Variants in BARD1 observed in about 807,000 individuals in gnomAD.
The protein encoded by BARD1 is BRCA1-associated RING domain protein 1.
In BARD1, 73 loss-of-function variants were observed where a neutral mutation model predicts 77.0. The ratio of observed to expected loss-of-function variants is 0.95; its 90% confidence interval spans 0.79 to 1.15. BARD1 has a LOEUF of 1.15. Among genes scored for constraint, BARD1 ranks in the 50% most tolerant of loss-of-function variants. The pLI is 0.00. For missense variants in BARD1, 993 were observed against 938.8 expected (o/e 1.06, Z -0.75); for synonymous variants, 384 against 338.0 (o/e 1.14, Z -1.49).
intron 1 of BARD1, among the ~76,000 whole-genome samples, chr2:214,806,953 T>C (rs1166111498): frequency 6.6e-6 from 1 of 151,350 alleles, no homozygotes; most frequent in Non-Finnish European, 1.5e-5. Context: ...AGACATTAAG[T>C]TTATCAAGAC....
intron 6 of BARD1, among the ~76,000 whole-genome samples, chr2:214,754,693 T>C (rs1693612128): frequency 6.6e-6 from 1 of 152,172 alleles, no homozygotes; most frequent in Admixed American, 6.5e-5. Flanking sequence ...CAAAGCTTAC[T>C]ATGTCATATG....
rs186946018 is a variant in BARD1 at position 214,798,828 on chromosome 2, T to C, written c.159-1711A>G. ...GAATAAACTTCTCTCTATAAATTCA[T>C]TTGGTAGCAACCGGGTACTGAGGCT... is the stretch of plus-strand genomic sequence containing the variant. On this transcript the variant is annotated intron_variant, in intron 1 of 10. Transcript: ENST00000260947. Among the ~76,000 whole-genome samples, 295 of 151,424 alleles carry C rather than the reference T, an allele frequency of 1.9e-3. 1 individual carries two copies. The highest frequency in any genetic ancestry group is 3.5e-3 in the Non-Finnish European group (236 of 67,838).
At chr2:214,753,913 C>T (rs1693575255) in intron 6 of BARD1, among the ~76,000 whole-genome samples, 1 of 152,118 alleles carries the variant, frequency 6.6e-6, no homozygotes, top group African/African-American at 2.4e-5. Context: ...GTCCAACAAC[C>T]TTCCTCTGGC....
chr2:214,743,657 C>T (rs12476595), intron 9 of BARD1, among the ~76,000 whole-genome samples: 74,185 of 151,772 alleles, frequency 0.49, 18,305 homozygotes, highest in East Asian at 0.56. Flanking sequence ...CATCTCGGCT[C>T]ACTGCAACCT....
At chr2:214,775,586 G>A (rs909718155) in intron 4 of BARD1, among the ~76,000 whole-genome samples, 6 of 152,162 alleles carry the variant, frequency 3.9e-5, no homozygotes, top group African/African-American at 9.7e-5. Context: ...GACACACTGA[G>A]CATAGGCTGT....
chr2:214,765,824 A>G (rs1230915976), intron 6 of BARD1, among the ~76,000 whole-genome samples: 1 of 152,178 alleles, frequency 6.6e-6, no homozygotes, highest in Non-Finnish European at 1.5e-5. Flanking sequence ...ATTATCTTAT[A>G]ACCTGTGATG....
chr2:214,760,766 C>T (rs1001707498), intron 6 of BARD1, among the ~76,000 whole-genome samples: 1 of 150,528 alleles, frequency 6.6e-6, no homozygotes, highest in African/African-American at 2.4e-5. Context: ...TTACAGTTCA[C>T]AGGGACTTTT....
chr2:214,765,105 T>G (rs1191457243), intron 6 of BARD1, among the ~76,000 whole-genome samples: 2 of 152,228 alleles, frequency 1.3e-5, no homozygotes, highest in Admixed American at 6.5e-5. Flanking sequence ...AATTTATTCC[T>G]TGGTAGCAAT....
intron 4 of BARD1, among the ~76,000 whole-genome samples, chr2:214,778,677 T>C (rs1226767233): frequency 2.0e-5 from 3 of 152,176 alleles, no homozygotes; most frequent in African/African-American, 7.2e-5. Context: ...TTAGTTTGCA[T>C]ATTGCCTGTG....
intron 7 of BARD1, among the ~76,000 whole-genome samples, chr2:214,750,773 A>G (rs947100816): frequency 3.3e-5 from 5 of 152,086 alleles, no homozygotes; most frequent in African/African-American, 1.2e-4. Flanking sequence ...GGCCACTGTC[A>G]TATCTAGAAT....
rs1367266254 is a variant in BARD1 at position 214,729,022 on chromosome 2, A to T, written c.2002-14T>A. 1 of 1,612,786 alleles carries T rather than the reference A, an allele frequency of 6.2e-7. No individual in the cohort carries two copies. The highest frequency in any genetic ancestry group is 8.5e-7 in the Non-Finnish European group (1 of 1,179,010). On this transcript the variant is annotated splice_polypyrimidine_tract_variant and intron_variant, in intron 10 of 10. Transcript: ENST00000260947. ...CAGCTTTGGCAACTGAAATAATGAGAAAACATTTGTTAAAGGCAGATCAAA... is the reference window on the plus strand; with the variant it reads ...CAGCTTTGGCAACTGAAATAATGAGTAAACATTTGTTAAAGGCAGATCAAA...
In BARD1 at chr2:214,781,342, C is replaced by T. The variant is rs1300620941; in HGVS notation, c.532G>A (p.Asp178Asn). 1 of 1,613,566 alleles carries T rather than the reference C, an allele frequency of 6.2e-7. No homozygotes were observed. The highest frequency in any genetic ancestry group is 1.3e-5 in the African/African-American group (1 of 74,906). The change falls in exon 4 of 11, where the codon GAC (aspartate) becomes AAC (asparagine). Residue 178 changes from aspartate to asparagine, a missense_variant. Coordinates refer to ENST00000260947, the MANE Select transcript of BARD1 (RefSeq NM_000465.4). ...CTTGGGGAAACAAATTCATATGAGT[C>T]TTGCTGAGCACTTGCATCTTTTTTT... is the stretch of plus-strand genomic sequence containing the variant. ...AIKKDASAQQ[D>N]SYEFVSPSPP...
chr2:214,752,375 T>C, intron 7 of BARD1, 72 bp downstream of exon 7: 1 of 1,329,744 alleles, frequency 7.5e-7, no homozygotes, highest in South Asian at 1.2e-5. Context: ...AATGGAAATT[T>C]TTCTATTATG....
intron 6 of BARD1, among the ~76,000 whole-genome samples, chr2:214,753,615 G>T (rs1454276533): frequency 6.6e-6 from 1 of 152,096 alleles, no homozygotes; most frequent in Non-Finnish European, 1.5e-5. Flanking sequence ...TAGGGGAAGT[G>T]AAAGGTAGAA....
At chr2:214,806,670 T>C (rs1398197870) in intron 1 of BARD1, among the ~76,000 whole-genome samples, 3 of 152,032 alleles carry the variant, frequency 2.0e-5, no homozygotes, top group Non-Finnish European at 4.4e-5. Context: ...GGTCAGGAGT[T>C]GGAGACCAGC....
At chr2:214,806,396 A>G (rs770823384) in intron 1 of BARD1, among the ~76,000 whole-genome samples, 4 of 152,198 alleles carry the variant, frequency 2.6e-5, no homozygotes, top group Non-Finnish European at 4.4e-5. Context: ...CAAATGGAAG[A>G]AGCAGACCAT....
Position 214,809,669 on chromosome 2 carries a change from G to A in BARD1, c.-100C>T. 6.9e-7 allele frequency: 1 copy of A among 1,454,938 alleles called. No individual in the cohort carries two copies. The allele number at this position is 1,454,938 out of a possible 1,614,324, so 90.1% of individuals were successfully genotyped here. On this transcript the variant is annotated 5_prime_UTR_variant, in exon 1 of 11. Transcript: ENST00000260947. ...AGGCCAGCGACTCGAAACCGGCCAA[G>A]CTCTTCCCGCGTCTGGGACGGCGGG...
At chr2:214,774,676 T>A (rs571397246) in intron 4 of BARD1, among the ~76,000 whole-genome samples, 1 of 152,300 alleles carries the variant, frequency 6.6e-6, no homozygotes, top group South Asian at 2.1e-4. Flanking sequence ...AGAAAGCCTG[T>A]CCTTTGAAGC....
At chr2:214,786,312 A>C (rs954695917) in intron 3 of BARD1, among the ~76,000 whole-genome samples, 1 of 152,064 alleles carries the variant, frequency 6.6e-6, no homozygotes, top group African/African-American at 2.4e-5. Context: ...TATTAGCAAA[A>C]GAAAAGTACA....
Sources: allele counts gnomAD v4.1 joint callset (sites outside exome capture counted in the v4.1 genomes callset), GRCh38; gene constraint gnomAD v4.1.1; transcripts MANE v1.5; gene names NCBI Gene and HGNC (gene_info 2026-07-23, HGNC 2026-07-21).